Variants in DNAAF4 observed in about 807,000 individuals in gnomAD.
The protein encoded by DNAAF4 is dynein assembly factor 4, axonemal.
In DNAAF4, 43 loss-of-function variants were observed where a neutral mutation model predicts 51.8. The observed-to-expected ratio is 0.83, with a 90% CI of 0.65 to 1.07. The LOEUF (loss-of-function observed/expected upper bound fraction) is 1.07, where lower values mean the gene tolerates loss of function less well. Ranked by LOEUF, DNAAF4 falls within the 50% of genes least tolerant of loss-of-function variation. The pLI, the probability that DNAAF4 is intolerant of heterozygous loss-of-function variation, is 0.00. For missense variants in DNAAF4, 581 were observed against 493.0 expected (o/e 1.18, Z -1.69); for synonymous variants, 194 against 165.6 (o/e 1.17, Z -1.32).
intron 5 of DNAAF4, among the ~76,000 whole-genome samples, chr15:55,465,389 T>TAC (rs200097648): frequency 0.033 from 4,274 of 128,162 alleles, 84 homozygotes; most frequent in African/African-American, 0.061. Context: ...ATATGGTGTA[T>TAC]ATATACACAC....
chr15:55,443,453 GA>G, intron 6 of DNAAF4: 1 of 581,962 alleles, frequency 1.7e-6, no homozygotes. Flanking sequence ...ATCATTGATG[GA>G]CATTTGGGTT....
intron 4 of DNAAF4, among the ~76,000 whole-genome samples, chr15:55,467,528 C>A (rs1264188108): frequency 1.5e-5 from 2 of 129,274 alleles, no homozygotes; most frequent in Non-Finnish European, 3.2e-5. Context: ...GGAGTTAAGC[C>A]ACTTCTCTCA....
chr15:55,440,295 C>T (rs926611445), intron 6 of DNAAF4, among the ~76,000 whole-genome samples: 11 of 152,152 alleles, frequency 7.2e-5, no homozygotes, highest in African/African-American at 2.7e-4. Context: ...TCGTGATCCA[C>T]CCACCTCGGA....
At chr15:55,461,589 A>C (rs1276749244) in intron 5 of DNAAF4, among the ~76,000 whole-genome samples, 1 of 152,172 alleles carries the variant, frequency 6.6e-6, no homozygotes, top group Non-Finnish European at 1.5e-5. Flanking sequence ...TTTGAACTGA[A>C]CGATAATAGT....
At chr15:55,495,478 C>T (rs191697166) in intron 3 of DNAAF4, among the ~76,000 whole-genome samples, 57 of 152,210 alleles carry the variant, frequency 3.7e-4, no homozygotes, top group Admixed American at 7.9e-4. Context: ...TGGCTCACGC[C>T]TGAAATCCCA....
At chr15:55,440,587 C>T (rs936797998) in intron 6 of DNAAF4, among the ~76,000 whole-genome samples, 6 of 145,558 alleles carry the variant, frequency 4.1e-5, no homozygotes, top group African/African-American at 7.7e-5. Context: ...ACCCTGGTCT[C>T]GATCTCCTGA....
At position 55,498,433 on chromosome 15, in the gene DNAAF4, G is replaced by T; in HGVS notation, c.-104C>A. 1.3e-6 allele frequency: 2 copies of T among 1,486,218 alleles called. No individual in the cohort carries two copies. The highest frequency in any genetic ancestry group is 1.8e-6 in the Non-Finnish European group (2 of 1,120,340). The allele number at this position is 1,486,218 out of a possible 1,614,324, so 92.1% of individuals were successfully genotyped here. A position where few individuals can be genotyped will look rare whatever the true frequency, so the allele number is the denominator to read the frequency against. On this transcript the variant is annotated 5_prime_UTR_variant, in exon 2 of 10. Transcript: ENST00000321149. ...TGCGCCAGCCCTTCCGGGTCAGGCC[G>T]GCCGGGAGCCCGGCGTTCCCAGCGT...
intron 1 of DNAAF4, among the ~76,000 whole-genome samples, chr15:55,502,368 T>G (rs920306331): frequency 3.9e-5 from 6 of 152,182 alleles, no homozygotes; most frequent in African/African-American, 1.4e-4. Context: ...AAAAATTAAT[T>G]ATTTTAAGCT....
chr15:55,504,355 T>C (rs2058715419), intron 1 of DNAAF4, among the ~76,000 whole-genome samples: 1 of 152,156 alleles, frequency 6.6e-6, no homozygotes. Flanking sequence ...CCCAAGGTAA[T>C]TTATAGATTC....
chr15:55,503,638 A>G (rs1277978370), intron 1 of DNAAF4, among the ~76,000 whole-genome samples: 2 of 152,208 alleles, frequency 1.3e-5, no homozygotes, highest in Non-Finnish European at 2.9e-5. Flanking sequence ...ATCAATAAAC[A>G]TAATCCATCA....
intron 4 of DNAAF4, among the ~76,000 whole-genome samples, chr15:55,469,516 T>C (rs2058221126): frequency 9.0e-6 from 1 of 110,816 alleles, no homozygotes; most frequent in Non-Finnish European, 1.7e-5. Flanking sequence ...GGAGTCTCAC[T>C]CTGTCGCCCA....
intron 5 of DNAAF4, among the ~76,000 whole-genome samples, chr15:55,451,309 C>G (rs78368634): frequency 0.045 from 6,873 of 152,210 alleles, 234 homozygotes; most frequent in Non-Finnish European, 0.068. Flanking sequence ...AAATTTTTAT[C>G]TTTATTTGAT....
chr15:55,428,492 T>TC (rs2057453885), downstream of DNAAF4, among the ~76,000 whole-genome samples: 4 of 117,592 alleles, frequency 3.4e-5, no homozygotes, highest in African/African-American at 9.1e-5. Flanking sequence ...TTCTTTTTTT[T>TC]TTTTTTTTTT....
In DNAAF4 at chr15:55,435,076, G is replaced by A; in HGVS notation, c.894-18C>T. ...ACAATTTGCTAATGAGACAAAAACAGAGAAGAAAAACAATTTAACATTGAA... is the reference window on the plus strand; with the variant it reads ...ACAATTTGCTAATGAGACAAAAACAAAGAAGAAAAACAATTTAACATTGAA... On this transcript the variant is annotated intron_variant, in intron 7 of 9. Coordinates refer to ENST00000321149, the MANE Select transcript of DNAAF4 (RefSeq NM_130810.4). 7 of 1,567,800 alleles carry A rather than the reference G, an allele frequency of 4.5e-6. No individual in the cohort carries two copies. The highest frequency in any genetic ancestry group is 6.0e-6 in the Non-Finnish European group (7 of 1,162,974).
intron 8 of DNAAF4, among the ~76,000 whole-genome samples, chr15:55,432,951 A>T (rs2057520759): frequency 6.6e-6 from 1 of 151,622 alleles, no homozygotes; most frequent in Admixed American, 6.6e-5. Flanking sequence ...ATCCGTCTCA[A>T]AAAAAACAAA....
At chr15:55,483,833 C>CATTTTTTTTTTT (rs1567028675) in intron 4 of DNAAF4, among the ~76,000 whole-genome samples, 3 of 82,504 alleles carry the variant, frequency 3.6e-5, no homozygotes, top group African/African-American at 9.7e-5. Context: ...GCCAATAAAG[C>CATTTTTTTTTTT]TTTTTTTTTT....
downstream of DNAAF4, among the ~76,000 whole-genome samples, chr15:55,429,266 TC>T (rs1351118598): frequency 8.0e-5 from 12 of 150,382 alleles, no homozygotes; most frequent in South Asian, 2.1e-4. Flanking sequence ...ATGCCTGTAA[TC>T]CCTGCACTTT....
chr15:55,430,232 C>T (rs1005676201), downstream of DNAAF4: 10 of 328,084 alleles, frequency 3.0e-5, no homozygotes, highest in South Asian at 1.2e-4. Flanking sequence ...TGGAAACTAA[C>T]GGACAACCTG....
chr15:55,498,137 C>G, intron 2 of DNAAF4, 70 bp downstream of exon 2: 1 of 1,606,542 alleles, frequency 6.2e-7, no homozygotes, highest in South Asian at 1.1e-5. Context: ...GTTGCTCGTG[C>G]CCAGCTGCGC....
Sources: gnomAD v4.1 joint callset for allele counts (sites outside exome capture counted in the v4.1 genomes callset) on GRCh38, gnomAD v4.1.1 for gene constraint, MANE v1.5 for transcripts, NCBI Gene and HGNC (gene_info 2026-07-23, HGNC 2026-07-21) for gene names.